The following PRELID2 variants were observed in gnomAD, a reference collection of about 807,000 sequenced individuals.
The protein encoded by PRELID2 is PRELI domain containing 2.
Under a neutral mutation model 28.4 loss-of-function variants are expected in PRELID2, and 25 were observed. That is an observed-to-expected ratio of 0.88 (90% CI 0.64 to 1.23). The LOEUF (loss-of-function observed/expected upper bound fraction) is 1.23, where lower values mean the gene tolerates loss of function less well. Ranked by LOEUF, PRELID2 falls within the 50% of genes most tolerant of loss-of-function variation. The probability of loss-of-function intolerance (pLI) is 0.00; values close to 1 mark genes in which losing one functional copy is unlikely to be tolerated. For missense variants in PRELID2, 201 were observed against 214.4 expected, an observed-to-expected ratio of 0.94 and a Z score of 0.39; for synonymous variants, 76 against 71.6, an observed-to-expected ratio of 1.06 and a Z score of -0.31.
chr5:145,370,492 G>A, the PRELID2 span, among the ~76,000 whole-genome samples: 5 of 151,936 alleles, frequency 3.3e-5, no homozygotes, highest in African/African-American at 1.2e-4. Flanking sequence ...TGTCTGCTTT[G>A]GTACCAGTAC....
chr5:145,581,695 G>A (rs1472400429), intron 1 of PRELID2, among the ~76,000 whole-genome samples: 1 of 152,006 alleles, frequency 6.6e-6, no homozygotes, highest in Non-Finnish European at 1.5e-5. Flanking sequence ...CTAACCAGAC[G>A]TTGAAGCCTG....
intron 1 of PRELID2, among the ~76,000 whole-genome samples, chr5:145,741,842 T>C (rs1201927959): frequency 2.6e-5 from 2 of 78,220 alleles, no homozygotes; most frequent in African/African-American, 1.0e-4. Flanking sequence ...ATAATAAATA[T>C]ATAAAACATT....
At chr5:145,619,931 A>C (rs1276277708) in intron 1 of PRELID2, among the ~76,000 whole-genome samples, 1 of 152,218 alleles carries the variant, frequency 6.6e-6, no homozygotes, top group Non-Finnish European at 1.5e-5. Flanking sequence ...TACCCACCAG[A>C]TGGGCTAAAT....
intron 1 of PRELID2, among the ~76,000 whole-genome samples, chr5:145,695,135 G>T (rs965601180): frequency 3.3e-5 from 5 of 152,124 alleles, no homozygotes; most frequent in African/African-American, 1.2e-4. Flanking sequence ...AATAATTACA[G>T]ATTATCCTAA....
intron 1 of PRELID2, among the ~76,000 whole-genome samples, chr5:145,508,997 A>T (rs77556714): frequency 0.011 from 1,617 of 152,256 alleles, 19 homozygotes; most frequent in African/African-American, 0.024. Flanking sequence ...ATAGTCTGTA[A>T]AAAACTGAAA....
At chr5:145,539,941 C>G (rs2066440215) in intron 1 of PRELID2, among the ~76,000 whole-genome samples, 3 of 151,436 alleles carry the variant, frequency 2.0e-5, no homozygotes, top group African/African-American at 7.3e-5. Context: ...AAATGTGCCT[C>G]TAAGTAATGA....
chr5:145,444,145 T>G, the PRELID2 span, among the ~76,000 whole-genome samples: 1 of 152,020 alleles, frequency 6.6e-6, no homozygotes, highest in Non-Finnish European at 1.5e-5. Flanking sequence ...GTGTAATAAA[T>G]TTGACATTTC....
chr5:145,280,416 G>C, the PRELID2 span, among the ~76,000 whole-genome samples: 1 of 152,158 alleles, frequency 6.6e-6, no homozygotes, highest in Non-Finnish European at 1.5e-5. Flanking sequence ...AAACAGAGTA[G>C]TGATGTATGG....
chr5:145,232,783 T>A, the PRELID2 span, among the ~76,000 whole-genome samples: 1 of 152,094 alleles, frequency 6.6e-6, no homozygotes, highest in African/African-American at 2.4e-5. Context: ...TATTCTTTAT[T>A]TCTGAATTTC....
At chr5:145,820,637 T>C (rs1754716907) in intron 2 of PRELID2, among the ~76,000 whole-genome samples, 1 of 152,178 alleles carries the variant, frequency 6.6e-6, no homozygotes. Flanking sequence ...GACTTCCTAT[T>C]GTTACCGGCA....
At chr5:145,524,600 A>C (rs189375570) in intron 1 of PRELID2, among the ~76,000 whole-genome samples, 31 of 152,358 alleles carry the variant, frequency 2.0e-4, no homozygotes, top group African/African-American at 7.2e-4. Flanking sequence ...TCCCTTGCTA[A>C]CGTGGAAGCT....
intron 5 of PRELID2, among the ~76,000 whole-genome samples, 155 bp from the exon 6 acceptor site, chr5:145,765,155 T>C (rs1190093605): frequency 6.6e-6 from 1 of 152,160 alleles, no homozygotes; most frequent in Non-Finnish European, 1.5e-5. Context: ...TTTTTTAATA[T>C]TTTACTCAGC....
intron 1 of PRELID2, among the ~76,000 whole-genome samples, chr5:145,693,002 C>T (rs1393754368): frequency 6.6e-6 from 1 of 152,118 alleles, no homozygotes; most frequent in Non-Finnish European, 1.5e-5. Context: ...AGGTGTACGT[C>T]ACCTAAAGAA....
the PRELID2 span, among the ~76,000 whole-genome samples, chr5:145,233,044 A>G: frequency 6.6e-6 from 1 of 151,794 alleles, no homozygotes; most frequent in African/African-American, 2.4e-5. Context: ...TACCCCTGCT[A>G]TTTGAAATAA....
At chr5:145,790,343 A>G (rs568350580) in intron 5 of PRELID2, among the ~76,000 whole-genome samples, 1 of 152,318 alleles carries the variant, frequency 6.6e-6, no homozygotes, top group South Asian at 2.1e-4. Flanking sequence ...GTCATTTGTG[A>G]CAACATGGAT....
intron 1 of PRELID2, among the ~76,000 whole-genome samples, chr5:145,508,283 G>GATAT (rs1241797518): frequency 6.6e-6 from 1 of 152,030 alleles, no homozygotes; most frequent in African/African-American, 2.4e-5. Context: ...TAGATAGATA[G>GATAT]ATAGATAGAT....
At chr5:145,613,000 G>A (rs1162302496) in intron 1 of PRELID2, among the ~76,000 whole-genome samples, 1 of 152,106 alleles carries the variant, frequency 6.6e-6, no homozygotes, top group East Asian at 1.9e-4. Flanking sequence ...TCCAGCAATT[G>A]GTATAAAAAT....
the PRELID2 span, among the ~76,000 whole-genome samples, chr5:145,278,828 T>C: frequency 2.6e-5 from 4 of 152,166 alleles, no homozygotes; most frequent in Non-Finnish European, 4.4e-5. Context: ...CTTACTCTTA[T>C]CAATAGCAAA....
chr5:145,722,306 G>C (rs1052851923), intron 1 of PRELID2, among the ~76,000 whole-genome samples: 1 of 152,008 alleles, frequency 6.6e-6, no homozygotes, highest in South Asian at 2.1e-4. Context: ...AAAATAATTT[G>C]GGATTTTTTC....
Sources: allele counts gnomAD v4.1 joint callset (sites outside exome capture counted in the v4.1 genomes callset), GRCh38; gene constraint gnomAD v4.1.1; transcripts MANE v1.5; gene names NCBI Gene and HGNC (gene_info 2026-07-23, HGNC 2026-07-21).